The following FGF13 variants were observed in gnomAD, a reference collection of about 807,000 sequenced individuals.
FGF13 encodes fibroblast growth factor homologous factor 2.
FGF13 carries 2 observed loss-of-function variants against 19.5 expected under a neutral mutation model. The observed-to-expected ratio is 0.10, with a 90% CI of 0.04 to 0.32. The LOEUF is 0.32. FGF13 is among the 10% of genes least tolerant of loss of function. The pLI is 1.00. For missense variants in FGF13, 113 were observed against 192.7 expected (o/e 0.59, Z 2.45); for synonymous variants, 72 against 76.9 (o/e 0.94, Z 0.33).
chrX:138,644,628 G>GGT (rs746527624), intron 3 of FGF13, among the ~76,000 whole-genome samples: 69 of 111,664 alleles, frequency 6.2e-4, no homozygotes, highest in African/African-American at 2.1e-3. Context: ...TAGCAGCTCT[G>GGT]TTACATTTGG....
At chrX:138,724,178 C>T (rs1308986925) in intron 1 of FGF13, among the ~76,000 whole-genome samples, 1 of 111,811 alleles carries the variant, frequency 8.9e-6, no homozygotes, top group Non-Finnish European at 1.9e-5. Flanking sequence ...TAGATTAGGG[C>T]TCATTTTGAT....
At chrX:138,830,528 T>G (rs147466219) in intron 3 of FGF13, among the ~76,000 whole-genome samples, 287 of 111,997 alleles carry the variant, frequency 2.6e-3, no homozygotes, top group Non-Finnish European at 3.0e-3. Context: ...CTAAGCAGTA[T>G]AGCATTCAAG....
chrX:138,875,995 TACAC>T (rs749175408), intron 1 of FGF13, among the ~76,000 whole-genome samples: 2,162 of 97,983 alleles, frequency 0.022, 49 homozygotes, highest in African/African-American at 0.064. Flanking sequence ...TATCGGCTTG[TACAC>T]ACACACACAC....
intron 1 of FGF13, among the ~76,000 whole-genome samples, chrX:138,892,002 ATGTG>A (rs3077315): frequency 3.3e-5 from 3 of 90,375 alleles, no homozygotes; most frequent in South Asian, 5.8e-4. Flanking sequence ...ATATATACAT[ATGTG>A]TGTGTGTGTG....
chrX:139,058,514 A>G (rs759836369), intron 1 of FGF13, among the ~76,000 whole-genome samples: 2 of 111,665 alleles, frequency 1.8e-5, no homozygotes, highest in Non-Finnish European at 3.8e-5. Context: ...AGTCATATAA[A>G]TGAGTAAAAT....
intron 2 of FGF13, among the ~76,000 whole-genome samples, chrX:138,858,192 A>G (rs2091269590): frequency 8.9e-6 from 1 of 112,083 alleles, no homozygotes; most frequent in African/African-American, 3.2e-5. Flanking sequence ...AGAGAACTGA[A>G]GCTGTTGCAA....
intron 1 of FGF13, among the ~76,000 whole-genome samples, chrX:138,982,193 C>CTGAG (rs1391966492): frequency 9.0e-6 from 1 of 111,219 alleles, no homozygotes; most frequent in Non-Finnish European, 1.9e-5. Context: ...GGAAATTTAT[C>CTGAG]TGAGTTGTTG....
intron 1 of FGF13, among the ~76,000 whole-genome samples, chrX:139,026,612 G>T (rs188334804): frequency 4.5e-5 from 5 of 111,586 alleles, no homozygotes; most frequent in Admixed American, 3.8e-4. Context: ...AAATCATGCC[G>T]GGACAGTCCA....
chrX:139,122,651 A>T (rs1365433778), intron 1 of FGF13, among the ~76,000 whole-genome samples: 1 of 111,696 alleles, frequency 9.0e-6, no homozygotes, highest in East Asian at 2.8e-4. Context: ...GATATATAAC[A>T]GGCTTCTCAA....
intron 1 of FGF13, among the ~76,000 whole-genome samples, chrX:139,178,694 A>C (rs771806604): frequency 8.9e-6 from 1 of 112,123 alleles, no homozygotes; most frequent in African/African-American, 3.2e-5. Flanking sequence ...AACATCAAAC[A>C]AGTTATGCGT....
At chrX:139,144,058 G>A (rs1165579165) in intron 1 of FGF13, among the ~76,000 whole-genome samples, 1 of 111,471 alleles carries the variant, frequency 9.0e-6, no homozygotes, top group Admixed American at 9.5e-5. Flanking sequence ...GCCAAGGAAA[G>A]GTAGCCCTGG....
At position 138,625,640 on chromosome X, in the gene FGF13, A is replaced by C. The variant is rs1473360111; in HGVS notation, c.*7210T>G. On this transcript the variant is annotated 3_prime_UTR_variant, in exon 5 of 5. Transcript: ENST00000315930. Reference sequence around the variant, plus strand: ...AAATAAGCCAGATGAAAAAAGAAAAAAATGCTACATGACATCCTTTGTATA... The same window carrying C: ...AAATAAGCCAGATGAAAAAAGAAAACAATGCTACATGACATCCTTTGTATA... The C allele has an allele frequency of 9.4e-6, 1 of 106,162 alleles. No individual in the cohort carries two copies. The highest frequency in any genetic ancestry group is 1.9e-5 in the Non-Finnish European group (1 of 51,876). 8.7% of individuals were successfully genotyped at this position (106,162 alleles called of 1,213,427 possible).
intron 1 of FGF13, among the ~76,000 whole-genome samples, chrX:139,007,454 CAACA>C (rs1346295087): frequency 5.4e-5 from 6 of 111,564 alleles, no homozygotes; most frequent in Non-Finnish European, 1.9e-5. Flanking sequence ...GACAGAAAAT[CAACA>C]AACAAACATT....
chrX:138,957,473 TCTTTTG>T (rs2091846494), intron 1 of FGF13, among the ~76,000 whole-genome samples: 1 of 111,902 alleles, frequency 8.9e-6, no homozygotes, highest in Admixed American at 9.5e-5. Flanking sequence ...CCAGCTTTGT[TCTTTTG>T]GCTTAGGATT....
chrX:138,875,702 C>T (rs976048997), intron 1 of FGF13, among the ~76,000 whole-genome samples: 1 of 111,217 alleles, frequency 9.0e-6, no homozygotes, highest in Non-Finnish European at 1.9e-5. Context: ...CTGATCCTCT[C>T]CTAAGTAAGA....
At chrX:138,839,060 T>C (rs2091131840) in intron 3 of FGF13, among the ~76,000 whole-genome samples, 1 of 111,608 alleles carries the variant, frequency 9.0e-6, no homozygotes, top group African/African-American at 3.3e-5. Flanking sequence ...GTGAAGGCTC[T>C]ACCCTCATGA....
intron 1 of FGF13, among the ~76,000 whole-genome samples, chrX:139,120,146 G>A (rs990615938): frequency 1.8e-5 from 2 of 112,388 alleles, no homozygotes; most frequent in African/African-American, 6.5e-5. Flanking sequence ...ATAGCCTTCT[G>A]CCAAGACTGT....
At chrX:139,166,401 G>A (rs2084086262) in intron 1 of FGF13, among the ~76,000 whole-genome samples, 1 of 111,762 alleles carries the variant, frequency 8.9e-6, no homozygotes, top group African/African-American at 3.3e-5. Context: ...GTCTTCCCCA[G>A]CCATACTGAG....
chrX:138,851,583 C>T (rs745621605), intron 3 of FGF13, among the ~76,000 whole-genome samples: 1 of 111,381 alleles, frequency 9.0e-6, no homozygotes, highest in South Asian at 3.8e-4. Flanking sequence ...TAATAAGAGC[C>T]ATTTATGACA....
Sources: allele counts gnomAD v4.1 joint callset (sites outside exome capture counted in the v4.1 genomes callset), GRCh38; gene constraint gnomAD v4.1.1; transcripts MANE v1.5; gene names NCBI Gene and HGNC (gene_info 2026-07-23, HGNC 2026-07-21).